The following EYA2 variants were observed in gnomAD, a reference collection of about 807,000 sequenced individuals.
The protein encoded by EYA2 is protein phosphatase EYA2.
A neutral mutation model predicts 69.2 loss-of-function variants in EYA2; 31 were observed. The ratio of observed to expected loss-of-function variants is 0.45; its 90% CI spans 0.34 to 0.60. EYA2 has a LOEUF of 0.60. Among genes scored for constraint, EYA2 ranks in the 20% least tolerant of loss-of-function variants. The pLI, the probability that EYA2 is intolerant of heterozygous loss-of-function variation, is 0.02. For missense variants in EYA2, 622 were observed against 701.2 expected, an observed-to-expected ratio of 0.89 and a Z score of 1.28; for synonymous variants, 257 against 279.4, an observed-to-expected ratio of 0.92 and a Z score of 0.80.
Position 46,958,443 on chromosome 20 carries a change from TA to T in EYA2, c.-10-31556del, listed in dbSNP as rs1354848296. On this transcript the variant is annotated intron_variant, in intron 1 of 15. Transcript: ENST00000327619. The stretch of plus-strand genomic sequence containing the variant: ...TTTTAAATGAATCTGAGCTCACGTG[TA>T]ATTATGAAAAAAAAACATGAACATG... Among the ~76,000 whole-genome samples, 3 of 143,364 alleles carry T rather than the reference TA, an allele frequency of 2.1e-5. No individual in the cohort carries two copies. The East Asian group carries it at 5.9e-4, about 28-fold the overall frequency. 94.1% of individuals were successfully genotyped at this position (143,364 alleles called of 152,430 possible).
chr20:46,993,990 G>A (rs973783750), intron 2 of EYA2, among the ~76,000 whole-genome samples: 6 of 152,276 alleles, frequency 3.9e-5, no homozygotes, highest in South Asian at 2.1e-4. Context: ...TTAAATTTCT[G>A]TTCCTGTTTA....
intron 1 of EYA2, among the ~76,000 whole-genome samples, chr20:46,912,301 A>G (rs1390259199): frequency 6.6e-6 from 1 of 152,038 alleles, no homozygotes; most frequent in African/African-American, 2.4e-5. Flanking sequence ...GAGGAATCTC[A>G]TTTTTCCCTA....
intron 10 of EYA2, among the ~76,000 whole-genome samples, chr20:47,154,816 G>GTT (rs1352065450): frequency 9.6e-5 from 8 of 83,640 alleles, no homozygotes; most frequent in Middle Eastern, 0.012. Context: ...TGTTTATTTT[G>GTT]TTTTGTGTGT....
intron 5 of EYA2, among the ~76,000 whole-genome samples, chr20:47,031,714 G>A (rs1003648356): frequency 3.9e-5 from 6 of 152,152 alleles, no homozygotes; most frequent in African/African-American, 1.2e-4. Context: ...TATTTCTGAC[G>A]TTTCGATGAA....
intron 9 of EYA2, among the ~76,000 whole-genome samples, chr20:47,105,943 T>C (rs2032565521): frequency 6.6e-6 from 1 of 152,204 alleles, no homozygotes; most frequent in Admixed American, 6.5e-5. Context: ...CCTGCGTTAT[T>C]GTGCAATGGG....
rs117069665 is a variant in EYA2, at chr20:46,944,355, C to A, written c.-10-45646C>A. Among the ~76,000 whole-genome samples the A allele has an allele frequency of 9.8e-3, 1,490 of 152,318 alleles. 16 individuals carry two copies. Among genetic ancestry groups the A allele is most frequent in the Middle Eastern group, 0.044 (13 of 294 alleles). On this transcript the variant is annotated intron_variant, in intron 1 of 15. Coordinates refer to ENST00000327619, the MANE Select transcript of EYA2 (RefSeq NM_005244.5). ...TGACTCCAGGGCGGGTTCGTAAGGG[C>A]TGCGGTAGCTTCGGGGCAGGTGCAG...
At chr20:46,995,087 G>A (rs1227030137) in intron 2 of EYA2, among the ~76,000 whole-genome samples, 1 of 152,066 alleles carries the variant, frequency 6.6e-6, no homozygotes, top group Non-Finnish European at 1.5e-5. Flanking sequence ...TTTTAGTAGA[G>A]GCAGGGTTTC....
chr20:46,994,499 G>A (rs1981888893), intron 2 of EYA2, among the ~76,000 whole-genome samples: 1 of 152,174 alleles, frequency 6.6e-6, no homozygotes, highest in South Asian at 2.1e-4. Context: ...AAGCTGGGCT[G>A]TCAGCTGCTC....
intron 13 of EYA2, among the ~76,000 whole-genome samples, chr20:47,180,143 C>T (rs960874503): frequency 4.6e-5 from 7 of 152,104 alleles, no homozygotes; most frequent in African/African-American, 1.2e-4. Context: ...AGCAATTCTC[C>T]GGCCTCAGCC....
At chr20:47,030,309 C>T (rs1006457064) in intron 5 of EYA2, among the ~76,000 whole-genome samples, 4 of 152,238 alleles carry the variant, frequency 2.6e-5, no homozygotes, top group African/African-American at 9.6e-5. Flanking sequence ...AAAGTGTCCC[C>T]ATGAATTTCC....
At chr20:46,950,144 A>G (rs1267738114) in intron 1 of EYA2, among the ~76,000 whole-genome samples, 2 of 152,192 alleles carry the variant, frequency 1.3e-5, no homozygotes, top group East Asian at 1.9e-4. Context: ...GTGGTGGTGG[A>G]CAGGGCAAGG....
At chr20:47,164,020 G>A (rs532843499) in intron 10 of EYA2, among the ~76,000 whole-genome samples, 1 of 152,210 alleles carries the variant, frequency 6.6e-6, no homozygotes, top group South Asian at 2.1e-4. Context: ...CCCACCCCAA[G>A]ATACTCATAC....
chr20:47,180,708 G>A, intron 13 of EYA2, 107 bp from the exon 14 acceptor site: 3 of 1,386,584 alleles, frequency 2.2e-6, no homozygotes, highest in South Asian at 2.7e-5. Context: ...GACAGCCATA[G>A]CCTCCAAGCC....
chr20:46,898,194 TCTGA>T (rs1164534855), intron 1 of EYA2, among the ~76,000 whole-genome samples: 1 of 151,944 alleles, frequency 6.6e-6, no homozygotes, highest in Non-Finnish European at 1.5e-5. Context: ...GGCTGGACTT[TCTGA>T]CTAAGACTGG....
At chr20:46,957,571 ACACACAC>A (rs1568686827) in intron 1 of EYA2, among the ~76,000 whole-genome samples, 4,615 of 141,540 alleles carry the variant, frequency 0.033, 168 homozygotes, top group African/African-American at 0.083. Context: ...ACACACACAC[ACACACAC>A]GAAGACAATG....
In EYA2 at chr20:47,096,994, C is replaced by A. The variant is rs550087377; in HGVS notation, c.805-91C>A. On this transcript the variant is annotated intron_variant, in intron 8 of 15. Coordinates refer to ENST00000327619, the MANE Select transcript of EYA2 (RefSeq NM_005244.5). ...CTAAAGATAATGTTTTTCGAGACTT[C>A]TTTTCCTCCAAGGGAATGAATTTCT... The A allele has an allele frequency of 7.4e-5, 70 of 941,890 alleles. No individual in the cohort carries two copies. The African/African-American group carries it at 1.1e-3, about 15-fold the overall frequency. The allele number at this position is 941,890 out of a possible 1,614,324, so 58.3% of individuals were successfully genotyped here.
intron 10 of EYA2, among the ~76,000 whole-genome samples, chr20:47,144,293 T>G (rs2146601156): frequency 6.6e-6 from 1 of 151,358 alleles, no homozygotes; most frequent in Non-Finnish European, 1.5e-5. Context: ...AAGGCGGACC[T>G]TGCGGTGAGC....
intron 1 of EYA2, among the ~76,000 whole-genome samples, chr20:46,914,840 A>G (rs1490371347): frequency 6.6e-6 from 1 of 152,184 alleles, no homozygotes; most frequent in African/African-American, 2.4e-5. Flanking sequence ...CCCCATCGTC[A>G]CACTCAGCAC....
At chr20:47,135,126 C>CAAAAAA (rs11484435) in intron 9 of EYA2, among the ~76,000 whole-genome samples, 84 of 58,272 alleles carry the variant, frequency 1.4e-3, no homozygotes, top group Admixed American at 2.9e-3. Flanking sequence ...GACTCCATAT[C>CAAAAAA]AAAAAAAAAA....
Sources: allele counts gnomAD v4.1 joint callset (sites outside exome capture counted in the v4.1 genomes callset), GRCh38; gene constraint gnomAD v4.1.1; transcripts MANE v1.5; gene names NCBI Gene and HGNC (gene_info 2026-07-23, HGNC 2026-07-21).